WWOX: variants seen among roughly 807,000 people sequenced by gnomAD.
WWOX encodes WW domain-containing oxidoreductase.
Under a neutral mutation model 46.2 loss-of-function variants are expected in WWOX, and 69 were observed. That is an observed-to-expected ratio of 1.49 (90% confidence interval 1.23 to 1.82). The LOEUF (loss-of-function observed/expected upper bound fraction) is 1.82, where lower values mean the gene tolerates loss of function less well. WWOX is among the 40% of genes most tolerant of loss of function. WWOX has a pLI of 0.00. For synonymous variants in WWOX, 359 were observed against 202.6 expected (o/e 1.77, Z -6.56); for missense variants, 919 against 542.6 (o/e 1.69, Z -6.89).
intron 8 of WWOX, among the ~76,000 whole-genome samples, chr16:79,094,044 G>T (rs1436765347): frequency 2.0e-5 from 3 of 152,172 alleles, no homozygotes; most frequent in African/African-American, 7.2e-5. Context: ...TCACTCAGAA[G>T]TAGTGGCATA....
rs1230076243 is a variant in WWOX, at chr16:78,144,519, ATATATT to A, written c.410-19662_410-19657del. 1.0e-2 allele frequency among the ~76,000 whole-genome samples: 346 copies of A among 34,638 alleles called. 11 individuals carry two copies. Among genetic ancestry groups the A allele is most frequent in the African/African-American group, 0.014 (133 of 9,372 alleles). The allele number at this position is 34,638 out of a possible 152,430, so 22.7% of individuals were successfully genotyped here. ...CACACACATATATATATATATATAT[ATATATT>A]TTTTTTTTTTTTTGGAGATGGAGTT... On this transcript the variant is annotated intron_variant, in intron 4 of 8. Coordinates refer to ENST00000566780, the MANE Select transcript of WWOX (RefSeq NM_016373.4).
intron 8 of WWOX, among the ~76,000 whole-genome samples, chr16:78,783,976 A>T (rs28620123): frequency 6.6e-6 from 1 of 151,840 alleles, no homozygotes; most frequent in Non-Finnish European, 1.5e-5. Context: ...TGATGATGAT[A>T]ATGATAGTGG....
intron 4 of WWOX, among the ~76,000 whole-genome samples, chr16:78,125,145 A>T (rs1001493111): frequency 1.3e-5 from 2 of 152,196 alleles, no homozygotes; most frequent in Admixed American, 1.3e-4. Flanking sequence ...GTTGTATTAC[A>T]TTGATAGCCG....
At chr16:78,709,720 A>C (rs374219074) in intron 8 of WWOX, among the ~76,000 whole-genome samples, 2 of 143,178 alleles carry the variant, frequency 1.4e-5, no homozygotes, top group East Asian at 4.1e-4. Flanking sequence ...TCTTCTTCCA[A>C]AGCAACAGTA....
chr16:78,369,410 C>G (rs2081613079), intron 5 of WWOX, among the ~76,000 whole-genome samples: 1 of 152,070 alleles, frequency 6.6e-6, no homozygotes, highest in African/African-American at 2.4e-5. Context: ...TAGTGGAAGA[C>G]TTATTCCAGA....
In WWOX at chr16:78,777,345, T is replaced by A. The variant is rs143589516; in HGVS notation, c.1056+344593T>A. On this transcript the variant is annotated intron_variant, in intron 8 of 8. Coordinates refer to ENST00000566780, the MANE Select transcript of WWOX (RefSeq NM_016373.4). ...GATGTTGTCCAGGACAGTGGCCCCATGTAGCTACTGAGCACTTGAAACGTG... is the reference window on the plus strand; with the variant it reads ...GATGTTGTCCAGGACAGTGGCCCCAAGTAGCTACTGAGCACTTGAAACGTG... Among the ~76,000 whole-genome samples the A allele has an allele frequency of 3.8e-3, 579 of 152,288 alleles. 6 individuals are homozygous for A. Among genetic ancestry groups the A allele is most frequent in the African/African-American group, 0.014 (564 of 41,568 alleles).
At chr16:79,130,824 T>A (rs919245362) in intron 8 of WWOX, among the ~76,000 whole-genome samples, 2 of 152,180 alleles carry the variant, frequency 1.3e-5, no homozygotes, top group Admixed American at 1.3e-4. Context: ...TTCTTTGAGA[T>A]TTCCATGTTC....
intron 8 of WWOX, among the ~76,000 whole-genome samples, chr16:79,143,075 A>T (rs2050120326): frequency 6.6e-6 from 1 of 152,180 alleles, no homozygotes; most frequent in Admixed American, 6.5e-5. Context: ...CGCTCATAGA[A>T]GTTTAAGGTT....
At chr16:78,886,963 A>G (rs1447560036) in intron 8 of WWOX, among the ~76,000 whole-genome samples, 2 of 152,094 alleles carry the variant, frequency 1.3e-5, no homozygotes, top group South Asian at 2.1e-4. Flanking sequence ...CTTAAAGTTT[A>G]TAGGGTCTGC....
intron 5 of WWOX, among the ~76,000 whole-genome samples, chr16:78,254,395 C>T (rs1356064575): frequency 1.3e-5 from 2 of 151,342 alleles, no homozygotes; most frequent in Non-Finnish European, 2.9e-5. Flanking sequence ...GAATTCTTCT[C>T]TTGATCATTA....
chr16:78,950,977 C>T lies in WWOX; in HGVS notation c.1057-260631C>T, dbSNP rs563051454. Among the ~76,000 whole-genome samples, 5 of 152,352 alleles carry T rather than the reference C, an allele frequency of 3.3e-5. No individual in the cohort carries two copies. In the South Asian group the frequency reaches 6.2e-4, roughly 19 times the overall value. ...TCCGGTTCTTTCCAGCCCCGCTCAA[C>T]CGCCTCTCTTAATTCACCACCCTGT... On this transcript the variant is annotated intron_variant, in intron 8 of 8. Transcript: ENST00000566780.
At chr16:79,172,454 T>C (rs545157058) in intron 8 of WWOX, among the ~76,000 whole-genome samples, 2 of 152,298 alleles carry the variant, frequency 1.3e-5, no homozygotes, top group South Asian at 4.1e-4. Context: ...CAACCACTTA[T>C]CTTGGTACCT....
intron 6 of WWOX, among the ~76,000 whole-genome samples, chr16:78,410,251 C>T (rs538987946): frequency 1.3e-5 from 2 of 152,296 alleles, no homozygotes; most frequent in African/African-American, 2.4e-5. Context: ...CCAATTAAAT[C>T]TCTTTTCATT....
chr16:78,161,702 C>T (rs746882114), intron 4 of WWOX, among the ~76,000 whole-genome samples: 2 of 152,126 alleles, frequency 1.3e-5, no homozygotes, highest in East Asian at 1.9e-4. Context: ...TGGCCGCCCA[C>T]GGTGCTAGAA....
At chr16:79,120,875 T>G (rs1012093408) in intron 8 of WWOX, among the ~76,000 whole-genome samples, 1 of 152,132 alleles carries the variant, frequency 6.6e-6, no homozygotes, top group Admixed American at 6.5e-5. Context: ...CTTAAGTAAT[T>G]CTCCTGCCGC....
chr16:78,498,350 C>A (rs2084971314), intron 8 of WWOX, among the ~76,000 whole-genome samples: 1 of 152,096 alleles, frequency 6.6e-6, no homozygotes, highest in Non-Finnish European at 1.5e-5. Context: ...GGGCTCAGGC[C>A]AGTGATTTCA....
At chr16:78,640,110 T>G (rs1425780400) in intron 8 of WWOX, among the ~76,000 whole-genome samples, 1 of 151,970 alleles carries the variant, frequency 6.6e-6, no homozygotes, top group Admixed American at 6.6e-5. Context: ...GCATTGAGTA[T>G]TGAGAAGAAA....
intron 8 of WWOX, chr16:79,106,747 A>C (rs1851216341): frequency 6.6e-6 from 1 of 150,642 alleles, no homozygotes; most frequent in African/African-American, 2.4e-5. Flanking sequence ...GCCTCCGAGT[A>C]ACTGAGACTA....
chr16:78,147,696 T>TTA (rs1491107490), intron 4 of WWOX, among the ~76,000 whole-genome samples: 5 of 104,868 alleles, frequency 4.8e-5, no homozygotes, highest in Admixed American at 1.1e-4. Flanking sequence ...TTTTTTTTTT[T>TTA]AAAAAAAAAA....
Sources: allele counts gnomAD v4.1 joint callset (sites outside exome capture counted in the v4.1 genomes callset), GRCh38; gene constraint gnomAD v4.1.1; transcripts MANE v1.5; gene names NCBI Gene and HGNC (gene_info 2026-07-23, HGNC 2026-07-21).